RTTN: variants seen among roughly 807,000 people sequenced by gnomAD.
The protein encoded by RTTN is rotatin.
A neutral mutation model predicts 269.2 loss-of-function variants in RTTN; 182 were observed. The ratio of observed to expected loss-of-function variants is 0.68; its 90% CI spans 0.60 to 0.76. The LOEUF is 0.76. Among genes scored for constraint, RTTN ranks in the 30% least tolerant of loss-of-function variants. RTTN has a pLI of 0.00. For synonymous variants in RTTN, 1,006 were observed against 963.5 expected (o/e 1.04, Z -0.82); for missense variants, 2,545 against 2,608.6 (o/e 0.98, Z 0.53).
chr18:70,201,335 G>A (rs2061939455), intron 4 of RTTN, among the ~76,000 whole-genome samples: 1 of 152,110 alleles, frequency 6.6e-6, no homozygotes, highest in South Asian at 2.1e-4. Context: ...GGGCGCGGTG[G>A]CTCACGCCTG....
chr18:70,081,562 T>G (rs1388048842), intron 32 of RTTN, among the ~76,000 whole-genome samples: 1 of 152,114 alleles, frequency 6.6e-6, no homozygotes, highest in South Asian at 2.1e-4. Context: ...ATGGTTTTTC[T>G]GCCAAAAATG....
rs748652510 is a variant in RTTN at position 70,201,978 on chromosome 18, A to T, written c.403T>A (p.Ser135Thr). The T allele has an allele frequency of 1.3e-6, 2 of 1,584,242 alleles. No homozygotes were observed. The highest frequency in any genetic ancestry group is 1.3e-5 in the African/African-American group (1 of 74,250). ...ASYQTNQTEL[S>T]KNPEILTGYF... Reference sequence around the variant, plus strand: ...CCTGTTAAGATTTCAGGGTTTTTTGACAATTCTGAAAAGGAAATAAACATT... The same window carrying T: ...CCTGTTAAGATTTCAGGGTTTTTTGTCAATTCTGAAAAGGAAATAAACATT... The change falls in exon 4 of 49, where the codon TCA becomes ACA. Residue 135 changes from serine to threonine, a missense_variant. Transcript: ENST00000640769.
At chr18:70,079,281 C>T (rs544615324) in intron 32 of RTTN, among the ~76,000 whole-genome samples, 28 of 151,990 alleles carry the variant, frequency 1.8e-4, no homozygotes, top group Non-Finnish European at 1.6e-4. Flanking sequence ...TCTTGAACTG[C>T]TCAAAAGAAA....
At chr18:70,090,159 G>C (rs1306080762) in intron 30 of RTTN, among the ~76,000 whole-genome samples, 1 of 152,124 alleles carries the variant, frequency 6.6e-6, no homozygotes, top group Non-Finnish European at 1.5e-5. Flanking sequence ...GAGAATGAAG[G>C]AAAGCTGTTG....
intron 46 of RTTN, among the ~76,000 whole-genome samples, chr18:70,012,916 T>A (rs1236736633): frequency 6.6e-6 from 1 of 152,182 alleles, no homozygotes; most frequent in Admixed American, 6.5e-5. Flanking sequence ...TCTACATAAT[T>A]CAATTTTTTT....
chr18:70,161,252 C>T (rs533775079), intron 14 of RTTN, among the ~76,000 whole-genome samples: 4 of 152,246 alleles, frequency 2.6e-5, no homozygotes, highest in African/African-American at 9.6e-5. Context: ...GGGGAAATAA[C>T]TCCCTACTCA....
chr18:70,176,537 T>C, intron 11 of RTTN, 138 bp downstream of exon 11: 2 of 606,894 alleles, frequency 3.3e-6, no homozygotes, highest in Non-Finnish European at 5.0e-6. Context: ...ACATTTCCCA[T>C]ATAACCTGTT....
chr18:70,043,702 A>C (rs1214033614), intron 40 of RTTN, among the ~76,000 whole-genome samples: 2 of 152,238 alleles, frequency 1.3e-5, no homozygotes, highest in Non-Finnish European at 2.9e-5. Context: ...ACTGAAATCA[A>C]AGCCCCAAAC....
At chr18:70,133,186 A>C (rs546041279) in intron 23 of RTTN, among the ~76,000 whole-genome samples, 1 of 152,272 alleles carries the variant, frequency 6.6e-6, no homozygotes, top group Admixed American at 6.5e-5. Flanking sequence ...AGCTCCCAGC[A>C]CCCACAAATG....
rs2061813381 is a variant in RTTN, at chr18:70,196,588, A to G, written c.754T>C (p.Ser252Pro). ...CACAGCTGCTGCAGGCAGGACACCG[A>G]CTGTAATGCCAGGCGATGCTTTCCA... ...GDGKHRLALQ[S>P]VSCLQQLCMY... The change falls in exon 7 of 49, where the codon TCG becomes CCG. Residue 252 changes from serine (S) to proline (P), a missense_variant. Physicochemically the swap from Ser to Pro is moderately conservative, Grantham distance 74 (BLOSUM62 -1). Transcript: ENST00000640769. 1.3e-6 allele frequency: 2 copies of G among 1,591,574 alleles called. No homozygotes were observed. The highest frequency in any genetic ancestry group is 1.7e-6 in the Non-Finnish European group (2 of 1,172,682).
rs1407011523 is a variant in RTTN, at chr18:70,128,384, T to G, written c.3117A>C (p.Gln1039His). The G allele has an allele frequency of 2.5e-6, 4 of 1,612,468 alleles. No individual in the cohort carries two copies. The highest frequency in any genetic ancestry group is 3.4e-6 in the Non-Finnish European group (4 of 1,179,104). The change falls in exon 24 of 49, where the codon CAA becomes CAC. Residue 1039 changes from glutamine to histidine, a missense_variant. By Grantham distance (24) the Gln-to-His change is conservative (BLOSUM62 0). Transcript: ENST00000640769. ...CTTGCGTTTTAGTTTCAGAGTTCAT[T>G]TGCTTCAACAGATTATCACTCCCAT... ...WYHGSDNLLKQMNSETKTQEI... is the reference protein window; with the variant it reads ...WYHGSDNLLKHMNSETKTQEI...
chr18:70,081,407 C>A (rs1030750533), intron 32 of RTTN, among the ~76,000 whole-genome samples: 1 of 152,120 alleles, frequency 6.6e-6, no homozygotes, highest in Non-Finnish European at 1.5e-5. Context: ...CAGAGCACCT[C>A]CTTCCAAAAG....
chr18:70,164,137 G>A (rs2060921828), intron 14 of RTTN, among the ~76,000 whole-genome samples: 1 of 151,856 alleles, frequency 6.6e-6, no homozygotes, highest in Non-Finnish European at 1.5e-5. Context: ...GGTGATGATG[G>A]TACAACAATA....
chr18:70,038,364 G>A (rs4891390), intron 40 of RTTN, among the ~76,000 whole-genome samples: 122,758 of 152,132 alleles, frequency 0.81, 53,961 homozygotes, highest in East Asian at 1. Context: ...GGTAGCCACA[G>A]GGATGCTAAT....
rs35313369 is a variant in RTTN at position 70,024,789 on chromosome 18, C to T, written c.5883G>A (p.Leu1961=). 3.4e-4 allele frequency: 555 copies of T among 1,613,978 alleles called. 1 individual carries two copies. In the African/African-American group the frequency reaches 6.3e-3, roughly 18 times the overall value. The stretch of plus-strand genomic sequence containing the variant: ...AAATTTGCATCAATGAATCATCCAT[C>T]AAAATCCAAGGCCAGAGAGAGTGCA... ...PVLHSLWPWI[L]MDDSLMQISL... is the part of the protein sequence containing the mutation. The change falls in exon 44 of 49, where the codon TTG becomes TTA. Residue 1961 remains leucine (L), a synonymous_variant. Coordinates refer to ENST00000640769, the MANE Select transcript of RTTN (RefSeq NM_173630.4).
At chr18:70,200,428 G>A (rs2061918962) in intron 4 of RTTN, among the ~76,000 whole-genome samples, 1 of 152,110 alleles carries the variant, frequency 6.6e-6, no homozygotes, top group Admixed American at 6.5e-5. Context: ...GTTTTCATCG[G>A]CTTCATTCAG....
intron 7 of RTTN, 101 bp downstream of exon 7, chr18:70,196,400 A>C (rs1301950101): frequency 9.9e-7 from 1 of 1,010,644 alleles, no homozygotes; most frequent in Non-Finnish European, 1.4e-6. Context: ...TTATGTTGTG[A>C]AAATGCGTAC....
At chr18:70,190,788 C>T in intron 8 of RTTN, 69 bp from the exon 9 acceptor site, 1 of 1,079,344 alleles carries the variant, frequency 9.3e-7, no homozygotes. Context: ...TGCATATCTG[C>T]TGCCTCGCAT....
intron 14 of RTTN, among the ~76,000 whole-genome samples, chr18:70,160,192 T>C (rs935643174): frequency 4.6e-5 from 7 of 150,942 alleles, no homozygotes. Flanking sequence ...CAACAAAATA[T>C]TGGTATACTG....
Sources: allele counts gnomAD v4.1 joint callset (sites outside exome capture counted in the v4.1 genomes callset), GRCh38; gene constraint gnomAD v4.1.1; transcripts MANE v1.5; gene names NCBI Gene and HGNC (gene_info 2026-07-23, HGNC 2026-07-21).